Variants in SAXO5 observed in about 807,000 individuals in gnomAD.
SAXO5 encodes the protein stabilizer of axonemal microtubules 5.
the SAXO5 span, chr19:7,500,768 G>T: frequency 7.2e-7 from 1 of 1,383,796 alleles, no homozygotes; most frequent in South Asian, 1.6e-5. Flanking sequence ...GTGCCCCAAT[G>T]GGCACTTGCT....
At chr19:7,507,095 C>G in the SAXO5 span, 1 of 1,614,078 alleles carries the variant, frequency 6.2e-7, no homozygotes, top group African/African-American at 1.3e-5. Flanking sequence ...ATGCTGAAGC[C>G]ACACAGAACA....
the SAXO5 span, among the ~76,000 whole-genome samples, chr19:7,501,964 C>G: frequency 6.0e-5 from 9 of 148,986 alleles, no homozygotes; most frequent in African/African-American, 1.7e-4. Context: ...GCGAGGCCAC[C>G]CGCGGTGGCT....
At chr19:7,501,205 C>T in the SAXO5 span, 1 of 1,541,592 alleles carries the variant, frequency 6.5e-7, no homozygotes, top group African/African-American at 1.4e-5. Flanking sequence ...CTCTCCAACG[C>T]GCACGCCGCC....
chr19:7,507,303 C>A, the SAXO5 span, among the ~76,000 whole-genome samples: 1 of 152,154 alleles, frequency 6.6e-6, no homozygotes, highest in South Asian at 2.1e-4. Context: ...CCTAGCTTGG[C>A]CGGGTGCAGT....
chr19:7,506,988 C>T, the SAXO5 span: 4 of 1,356,242 alleles, frequency 2.9e-6, no homozygotes, highest in Admixed American at 7.1e-5. Flanking sequence ...TTCCCTTGAA[C>T]TTCACCACAC....
the SAXO5 span, chr19:7,505,706 G>T: frequency 7.3e-7 from 1 of 1,378,898 alleles, no homozygotes; most frequent in Non-Finnish European, 1.0e-6. Flanking sequence ...GTCCCAAAGT[G>T]GGAGTGAGCT....
chr19:7,501,234 CCGGCGCGCACCCGAGAGCGGATCCG>C, the SAXO5 span: 3 of 1,554,308 alleles, frequency 1.9e-6, no homozygotes, highest in Admixed American at 3.7e-5. Flanking sequence ...GCCCGAGCTG[CCGGCGCGCACCCGAGAGCGGATCCG>C]CGGCGCGCGC....
chr19:7,500,689 C>A, the SAXO5 span: 1 of 812,398 alleles, frequency 1.2e-6, no homozygotes, highest in Non-Finnish European at 1.8e-6. Flanking sequence ...CAGCCTCCAG[C>A]TCAGTGCTTG....
At chr19:7,505,140 T>C in the SAXO5 span, among the ~76,000 whole-genome samples, 1 of 152,100 alleles carries the variant, frequency 6.6e-6, no homozygotes, top group African/African-American at 2.4e-5. Flanking sequence ...TGTGCCACCA[T>C]GCCCGGCTAA....
the SAXO5 span, among the ~76,000 whole-genome samples, chr19:7,499,383 C>A: frequency 0.79 from 92,897 of 117,240 alleles, 34,812 homozygotes; most frequent in African/African-American, 0.9. Flanking sequence ...GGGGGAGGGG[C>A]GGGGGAGGGG....
the SAXO5 span, among the ~76,000 whole-genome samples, chr19:7,501,649 C>G: frequency 6.6e-6 from 1 of 151,300 alleles, no homozygotes; most frequent in Non-Finnish European, 1.5e-5. Context: ...TGGAGGAACC[C>G]CGCCTCTACT....
At chr19:7,500,820 G>A in the SAXO5 span, 64 of 1,468,664 alleles carry the variant, frequency 4.4e-5, no homozygotes, top group Non-Finnish European at 5.4e-5. Context: ...CTGGTGTCCC[G>A]CGATGGCCAC....
At chr19:7,505,562 T>C in the SAXO5 span, 1 of 1,614,096 alleles carries the variant, frequency 6.2e-7, no homozygotes, top group Non-Finnish European at 8.5e-7. Context: ...TCGCACATCC[T>C]GAAAGGAAAT....
chr19:7,505,943 A>C, the SAXO5 span: 1 of 1,544,984 alleles, frequency 6.5e-7, no homozygotes, highest in Non-Finnish European at 8.7e-7. Flanking sequence ...CGGAGCTTTC[A>C]AATGCCATGT....
At chr19:7,503,046 C>T in the SAXO5 span, among the ~76,000 whole-genome samples, 5,930 of 152,168 alleles carry the variant, frequency 0.039, 339 homozygotes, top group African/African-American at 0.13. Context: ...GAGGCTGTAA[C>T]AAGAGAAATG....
the SAXO5 span, chr19:7,505,400 A>G: frequency 6.2e-7 from 1 of 1,613,968 alleles, no homozygotes; most frequent in Non-Finnish European, 8.5e-7. Context: ...CCGCGACAGG[A>G]CCACCAAGGC....
chr19:7,502,021 C>T, the SAXO5 span, among the ~76,000 whole-genome samples: 38 of 151,816 alleles, frequency 2.5e-4, no homozygotes, highest in African/African-American at 8.9e-4. Context: ...AGGAGGATGT[C>T]TTGAGGCCAG....
the SAXO5 span, chr19:7,508,076 G>T: frequency 5.8e-6 from 4 of 690,898 alleles, no homozygotes; most frequent in Admixed American, 1.1e-4. Context: ...CACTGGCTCC[G>T]CCCCGACCAG....
chr19:7,506,644 G>A, the SAXO5 span: 2 of 349,606 alleles, frequency 5.7e-6, no homozygotes, highest in Admixed American at 8.8e-5. Flanking sequence ...CCCTAGCTCT[G>A]GGTTCCTCCC....
Sources: allele counts gnomAD v4.1 joint callset (sites outside exome capture counted in the v4.1 genomes callset), GRCh38; gene constraint gnomAD v4.1.1; transcripts MANE v1.5; gene names NCBI Gene and HGNC (gene_info 2026-07-23, HGNC 2026-07-21).